Variants in GRHL3 observed in about 807,000 individuals in gnomAD.
GRHL3 encodes grainyhead like transcription factor 3, also known as grainyhead-like protein 3 homolog.
In GRHL3, 20 loss-of-function variants were observed where a neutral mutation model predicts 70.3. That is an observed-to-expected ratio of 0.28 (90% CI 0.20 to 0.41). GRHL3 has a LOEUF of 0.41. Ranked by LOEUF, GRHL3 falls within the 10% of genes least tolerant of loss-of-function variation. GRHL3 has a pLI of 1.00. For synonymous variants in GRHL3, 299 were observed against 299.9 expected, an observed-to-expected ratio of 1.00 and a Z score of 0.03; for missense variants, 637 against 762.3, an observed-to-expected ratio of 0.84 and a Z score of 1.94.
chr1:24,342,718 G>C lies in GRHL3; in HGVS notation c.1231G>C (p.Asp411His). The stretch of plus-strand genomic sequence containing the variant: ...GGGAGCTGAGAGGAAGATGCGCGAT[G>C]ACGAGCGGAAGCAGTTCCGGAGGAA... Reference protein sequence around the residue: ...DKGAERKMRDDERKQFRRKVK... With the variant: ...DKGAERKMRDHERKQFRRKVK... Residue 411 changes from aspartate (D) to histidine (H), a missense_variant, in exon 10 of 16, where the codon GAC becomes CAC. Coordinates refer to ENST00000361548, the MANE Select transcript of GRHL3 (RefSeq NM_198173.3). The surrounding 1 kb of genome is among the most constrained non-coding windows in gnomAD (Gnocchi z 4.8). 2 of 1,614,244 alleles carry C rather than the reference G, an allele frequency of 1.2e-6. No individual in the cohort carries two copies. Among genetic ancestry groups the C allele is most frequent in the Non-Finnish European group, 1.7e-6 (2 of 1,180,050 alleles).
intron 4 of GRHL3, 77 bp from the exon 5 acceptor site, chr1:24,337,001 G>A: frequency 7.1e-7 from 1 of 1,412,548 alleles, no homozygotes; most frequent in East Asian, 2.3e-5. Context: ...CTGCATAGCT[G>A]TAATGCACAG....
At chr1:24,331,727 G>C (rs1639623781) in intron 2 of GRHL3, 115 bp downstream of exon 2, 1 of 816,216 alleles carries the variant, frequency 1.2e-6, no homozygotes, top group South Asian at 2.0e-5. Flanking sequence ...CTGGGCCTTT[G>C]CACAATGCTG....
chr1:24,358,403 A>G, downstream of GRHL3: 3 of 773,390 alleles, frequency 3.9e-6, no homozygotes, highest in South Asian at 4.2e-5. Context: ...TCCGGCTAGG[A>G]TGCCAGGCCA....
chr1:24,340,492 A>G (rs1413895642), intron 8 of GRHL3, among the ~76,000 whole-genome samples: 2 of 152,176 alleles, frequency 1.3e-5, no homozygotes, highest in Non-Finnish European at 2.9e-5. Context: ...CGGGCTTGCC[A>G]TGTGCGCATG....
chr1:24,358,227 G>A (rs550412974), downstream of GRHL3: 7 of 579,354 alleles, frequency 1.2e-5, no homozygotes, highest in Admixed American at 4.3e-5. Context: ...TTCAGTCTGC[G>A]GCAGGGAGTC....
At chr1:24,330,338 G>A (rs114240333) in intron 1 of GRHL3, among the ~76,000 whole-genome samples, 1,901 of 152,300 alleles carry the variant, frequency 0.012, 28 homozygotes, top group African/African-American at 0.042. Context: ...TCATTCTCAT[G>A]CAGCTAAAGT....
chr1:24,357,449 C>T (rs1640800678), downstream of GRHL3: 1 of 152,652 alleles, frequency 6.6e-6, no homozygotes, highest in Non-Finnish European at 1.5e-5. Flanking sequence ...CCTGCCTCCC[C>T]ACTGCCCAGA....
Position 24,350,064 on chromosome 1 carries a change from G to C in GRHL3, c.1636G>C (p.Glu546Gln). ...DLKGLRNAISEKYGFPEENIY... is the reference protein window; with the variant it reads ...DLKGLRNAISQKYGFPEENIY... Reference sequence around the variant, plus strand: ...ACCTGTCTTTTCCTTCCAGATCTCTGAGAAGTATGGGTTCCCTGAAGAGAA... The same window carrying C: ...ACCTGTCTTTTCCTTCCAGATCTCTCAGAAGTATGGGTTCCCTGAAGAGAA... The change falls in exon 15 of 16, where the codon GAG (glutamate) becomes CAG (glutamine). Residue 546 changes from glutamate (E) to glutamine (Q), a missense_variant. Coordinates refer to ENST00000361548, the MANE Select transcript of GRHL3 (RefSeq NM_198173.3). 1 of 1,613,092 alleles carries C rather than the reference G, an allele frequency of 6.2e-7. No individual in the cohort carries two copies. The highest frequency in any genetic ancestry group is 8.5e-7 in the Non-Finnish European group (1 of 1,179,248).
intron 15 of GRHL3, among the ~76,000 whole-genome samples, chr1:24,353,773 C>T (rs969114367): frequency 1.3e-5 from 2 of 152,192 alleles, no homozygotes; most frequent in Non-Finnish European, 2.9e-5. Flanking sequence ...GGGCCCACAG[C>T]CATGAAGATT....
downstream of GRHL3, chr1:24,358,005 GA>G (rs139273048): frequency 2.7e-3 from 946 of 354,812 alleles, 12 homozygotes; most frequent in East Asian, 0.018. Flanking sequence ...TGGACTGGTG[GA>G]AAAAGCATCA....
chr1:24,339,712 G>A lies in GRHL3; in HGVS notation c.997G>A (p.Val333Met), dbSNP rs1194638940. ...CAACACTGTGGAGCACATTGAGGAG[G>A]TGGCCTATAATGCACTGTCCTTTGT... is the stretch of plus-strand genomic sequence containing the variant. Reference protein sequence around the residue: ...NFNTVEHIEEVAYNALSFVWN... With the variant: ...NFNTVEHIEEMAYNALSFVWN... The change falls in exon 8 of 16, where the codon GTG (valine) becomes ATG (methionine). Residue 333 changes from valine to methionine, a missense_variant. Val to Met is a conservative substitution (Grantham distance 21, BLOSUM62 1). Around this residue, in one of 2 missense-constraint regions of GRHL3, gnomAD observed 387 missense variants for 513.8 expected, o/e 0.75. Coordinates refer to ENST00000361548, the MANE Select transcript of GRHL3 (RefSeq NM_198173.3). 1.2e-6 allele frequency: 2 copies of A among 1,613,698 alleles called. No homozygotes were observed. The highest frequency in any genetic ancestry group is 2.2e-5 in the South Asian group (2 of 91,024).
intron 12 of GRHL3, among the ~76,000 whole-genome samples, chr1:24,345,813 G>A (rs184791408): frequency 1.2e-4 from 19 of 152,212 alleles, no homozygotes; most frequent in Admixed American, 4.6e-4. Flanking sequence ...AAACAGCCTC[G>A]AGAGGGTGAG....
downstream of GRHL3, chr1:24,358,545 A>G (rs775581295): frequency 6.2e-7 from 1 of 1,613,136 alleles, no homozygotes; most frequent in Non-Finnish European, 8.5e-7. Flanking sequence ...TGACATCCCT[A>G]CAGAACCGGG....
At chr1:24,324,445 G>A (rs972995417) in intron 1 of GRHL3, among the ~76,000 whole-genome samples, 5 of 152,198 alleles carry the variant, frequency 3.3e-5, no homozygotes, top group Admixed American at 3.3e-4. Context: ...TGTGAATTGT[G>A]CAGTTTGCTG....
At chr1:24,325,443 C>G (rs1265276558) in intron 1 of GRHL3, among the ~76,000 whole-genome samples, 3 of 152,200 alleles carry the variant, frequency 2.0e-5, no homozygotes, top group Non-Finnish European at 4.4e-5. Flanking sequence ...TCCTAAATTG[C>G]TAGGATTCTA....
At chr1:24,327,071 G>C (rs1332133180) in intron 1 of GRHL3, among the ~76,000 whole-genome samples, 1 of 152,170 alleles carries the variant, frequency 6.6e-6, no homozygotes, top group Non-Finnish European at 1.5e-5. Flanking sequence ...GGAGGTTCTG[G>C]GATGATGATG....
chr1:24,329,181 C>G (rs1186555039), intron 1 of GRHL3, among the ~76,000 whole-genome samples: 2 of 152,218 alleles, frequency 1.3e-5, no homozygotes, highest in African/African-American at 4.8e-5. Context: ...ACAGCTCCAC[C>G]TCCCTTCCTC....
chr1:24,331,491 A>C lies in GRHL3; in HGVS notation c.83A>C (p.Glu28Ala). The change falls in exon 2 of 16, where the codon GAG becomes GCG. Residue 28 changes from glutamate (E) to alanine (A), a missense_variant. Physicochemically the swap from Glu to Ala is moderately radical, Grantham distance 107 (BLOSUM62 -1). Transcript: ENST00000361548. ...TTGCAGAAATTCTCTTACACTAGTG[A>C]GGATGAGGCCTGGAAGACGTACCTA... The part of the protein sequence containing the change: ...VNLQKFSYTS[E>A]DEAWKTYLEN... 3 of 1,614,100 alleles carry C rather than the reference A, an allele frequency of 1.9e-6. No homozygotes were observed. Among genetic ancestry groups the C allele is most frequent in the Non-Finnish European group, 2.5e-6 (3 of 1,179,988 alleles).
At chr1:24,329,140 G>C (rs1196646855) in intron 1 of GRHL3, among the ~76,000 whole-genome samples, 1 of 152,176 alleles carries the variant, frequency 6.6e-6, no homozygotes, top group East Asian at 1.9e-4. Context: ...CCTAGAACAG[G>C]AAAGTTTCTG....
Sources: gnomAD v4.1 joint callset for allele counts (sites outside exome capture counted in the v4.1 genomes callset) on GRCh38, gnomAD v4.1.1 for gene constraint, gnomAD v4.1.1 regional missense constraint, Gnocchi (gnomAD v3.1) non-coding constraint, MANE v1.5 for transcripts, NCBI Gene and HGNC (gene_info 2026-07-23, HGNC 2026-07-21) for gene names.